PLXNA2: variants seen among roughly 807,000 people sequenced by gnomAD.
The protein encoded by PLXNA2 is plexin A2.
PLXNA2 carries 91 observed loss-of-function variants against 193.5 expected under a neutral mutation model. The observed-to-expected ratio is 0.47, with a 90% confidence interval of 0.40 to 0.56. The LOEUF (loss-of-function observed/expected upper bound fraction) is 0.56, where lower values mean the gene tolerates loss of function less well. Among genes scored for constraint, PLXNA2 ranks in the 20% least tolerant of loss-of-function variants. The pLI is 0.00. For synonymous variants in PLXNA2, 997 were observed against 1,027.3 expected, an observed-to-expected ratio of 0.97 and a Z score of 0.56; for missense variants, 1,995 against 2,503.2, an observed-to-expected ratio of 0.80 and a Z score of 4.33.
At chr1:208,166,724 C>T (rs947993580) in intron 3 of PLXNA2, among the ~76,000 whole-genome samples, 6 of 152,174 alleles carry the variant, frequency 3.9e-5, no homozygotes, top group African/African-American at 1.4e-4. Flanking sequence ...AGAATGAGAA[C>T]TTCATGCATT....
intron 3 of PLXNA2, among the ~76,000 whole-genome samples, chr1:208,176,608 G>T (rs112089868): frequency 6.6e-6 from 1 of 152,220 alleles, no homozygotes; most frequent in Non-Finnish European, 1.5e-5. Flanking sequence ...GAAAGAGGGT[G>T]ATTTTACCCA....
At chr1:208,235,232 A>G (rs1671816433) in intron 1 of PLXNA2, among the ~76,000 whole-genome samples, 1 of 152,164 alleles carries the variant, frequency 6.6e-6, no homozygotes, top group African/African-American at 2.4e-5. Context: ...TTTCTTCTCT[A>G]TGTCCCATCT....
chr1:208,194,602 A>G (rs909895706), intron 3 of PLXNA2, among the ~76,000 whole-genome samples: 5 of 152,108 alleles, frequency 3.3e-5, no homozygotes, highest in Non-Finnish European at 5.9e-5. Context: ...GGAGTCCAAA[A>G]CCAAATAAGG....
chr1:208,060,814 C>G lies in PLXNA2; in HGVS notation c.2610G>C (p.Pro870=). 1.2e-6 allele frequency: 2 copies of G among 1,614,050 alleles called. No individual in the cohort carries two copies. The highest frequency in any genetic ancestry group is 2.2e-5 in the South Asian group (2 of 91,068). Reference sequence around the variant, plus strand: ...GGATGGTCACTCGCGTCCCTCCTTCCGGCGGTCCAGACACCGTCAAAATCT... The same window carrying G: ...GGATGGTCACTCGCGTCCCTCCTTCGGGCGGTCCAGACACCGTCAAAATCT... ...ITEILTVSGP[P]EGGTRVTIHG... The change falls in exon 13 of 32, where the codon CCG becomes CCC. Residue 870 remains proline (P), a synonymous_variant. Transcript: ENST00000367033.
chr1:208,212,366 G>A (rs1359487737), intron 2 of PLXNA2, among the ~76,000 whole-genome samples: 3 of 152,172 alleles, frequency 2.0e-5, no homozygotes, highest in African/African-American at 4.8e-5. Flanking sequence ...GTTTTGTAGA[G>A]AGCTGCTGCT....
chr1:208,041,578 T>G (rs1420783254), intron 22 of PLXNA2, among the ~76,000 whole-genome samples: 2 of 152,162 alleles, frequency 1.3e-5, no homozygotes, highest in African/African-American at 4.8e-5. Flanking sequence ...TGGTGGCCAC[T>G]AGCTGCAATG....
intron 3 of PLXNA2, among the ~76,000 whole-genome samples, chr1:208,178,970 A>C (rs1669752684): frequency 6.6e-6 from 1 of 152,176 alleles, no homozygotes; most frequent in Non-Finnish European, 1.5e-5. Flanking sequence ...TTCTTGGTTT[A>C]AAGAGGAGGG....
At chr1:208,180,164 ATT>A (rs11304771) in intron 3 of PLXNA2, among the ~76,000 whole-genome samples, 30,366 of 143,836 alleles carry the variant, frequency 0.21, 3,806 homozygotes, top group East Asian at 0.5. Flanking sequence ...GGGGGCTTGT[ATT>A]TTTTTTTTTT....
chr1:208,081,226 G>C (rs990649917), intron 11 of PLXNA2, among the ~76,000 whole-genome samples: 1 of 152,090 alleles, frequency 6.6e-6, no homozygotes, highest in African/African-American at 2.4e-5. Context: ...AGGAGAAATA[G>C]AAAAAAATAA....
intron 3 of PLXNA2, among the ~76,000 whole-genome samples, chr1:208,152,315 T>C (rs1668790878): frequency 1.3e-5 from 2 of 152,040 alleles, no homozygotes; most frequent in South Asian, 4.1e-4. Context: ...AGAAAAGCCA[T>C]GGTAACCGAG....
Position 208,098,989 on chromosome 1 carries a change from A to G in PLXNA2, c.1608-20T>C. 6.2e-7 allele frequency: 1 copy of G among 1,611,874 alleles called. No individual in the cohort carries two copies. Among genetic ancestry groups the G allele is most frequent in the South Asian group, 1.1e-5 (1 of 90,726 alleles). On this transcript the variant is annotated intron_variant, in intron 5 of 31. Coordinates refer to ENST00000367033, the MANE Select transcript of PLXNA2 (RefSeq NM_025179.4). The stretch of plus-strand genomic sequence containing the variant: ...GAGCACCTGCCATAAACACAGATTC[A>G]CAAGAGGTCAGGCCTCTGGGACCCA...
intron 28 of PLXNA2, 32 bp downstream of exon 28, chr1:208,033,287 G>A: frequency 6.3e-7 from 1 of 1,578,358 alleles, no homozygotes. Flanking sequence ...CCTTTAACAA[G>A]CACTCCCTGG....
chr1:208,071,325 C>T (rs536414096), intron 12 of PLXNA2, among the ~76,000 whole-genome samples: 9 of 152,334 alleles, frequency 5.9e-5, no homozygotes, highest in Admixed American at 3.3e-4. Context: ...TCAGGACCAA[C>T]GAGTGAGGAC....
Position 208,028,647 on chromosome 1 carries a change from A to T in PLXNA2, c.5438+183T>A, listed in dbSNP as rs958660108. ...ATGAATAGTAATTAGGATGATAATC[A>T]TCTGACTTCCACGGGCACAAAGCCA... On this transcript the variant is annotated intron_variant, in intron 30 of 31. Transcript: ENST00000367033. This position sits in a 1 kb window ranked among gnomAD's most constrained non-coding sequence, Gnocchi z 4.2. Among the ~76,000 whole-genome samples the T allele has an allele frequency of 1.3e-5, 2 of 152,248 alleles. No individual in the cohort carries two copies. The highest frequency in any genetic ancestry group is 2.9e-5 in the Non-Finnish European group (2 of 68,046).
chr1:208,181,351 C>G (rs2102547585), intron 3 of PLXNA2, among the ~76,000 whole-genome samples: 1 of 152,324 alleles, frequency 6.6e-6, no homozygotes. Context: ...TTCAGGGGGC[C>G]AGACCCTGAG....
chr1:208,122,303 A>T (rs541092401), intron 4 of PLXNA2, among the ~76,000 whole-genome samples: 1 of 152,332 alleles, frequency 6.6e-6, no homozygotes, highest in South Asian at 2.1e-4. Flanking sequence ...CTCATATTTA[A>T]GGTTCTATCA....
intron 3 of PLXNA2, among the ~76,000 whole-genome samples, chr1:208,142,773 ACT>A (rs1277804308): frequency 6.6e-6 from 1 of 152,138 alleles, no homozygotes; most frequent in Non-Finnish European, 1.5e-5. Context: ...TATTTATAGC[ACT>A]GTGTATTGTA....
intron 4 of PLXNA2, among the ~76,000 whole-genome samples, chr1:208,124,657 C>T (rs886546864): frequency 4.2e-5 from 5 of 119,994 alleles, no homozygotes; most frequent in African/African-American, 1.3e-4. Flanking sequence ...CCAGCCTGGG[C>T]GACAACAGCA....
chr1:208,147,135 A>G (rs779953943), intron 3 of PLXNA2, among the ~76,000 whole-genome samples: 1 of 151,950 alleles, frequency 6.6e-6, no homozygotes, highest in Non-Finnish European at 1.5e-5. Context: ...CGATCCTCCT[A>G]CTCAGCCACC....
Sources: gnomAD v4.1 joint callset for allele counts (sites outside exome capture counted in the v4.1 genomes callset) on GRCh38, gnomAD v4.1.1 for gene constraint, Gnocchi (gnomAD v3.1) non-coding constraint, MANE v1.5 for transcripts, NCBI Gene and HGNC (gene_info 2026-07-23, HGNC 2026-07-21) for gene names.